PCDH9: variants seen among roughly 807,000 people sequenced by gnomAD.
PCDH9 encodes protocadherin 9, also known as protocadherin-9.
A neutral mutation model predicts 70.6 loss-of-function variants in PCDH9; 24 were observed. The ratio of observed to expected loss-of-function variants is 0.34; its 90% CI spans 0.25 to 0.48. The LOEUF (loss-of-function observed/expected upper bound fraction) is 0.48. Among genes scored for constraint, PCDH9 ranks in the 20% least tolerant of loss-of-function variants. The pLI, the probability that PCDH9 is intolerant of heterozygous loss-of-function variation, is 0.99. For missense variants in PCDH9, 1,281 were observed against 1,503.6 expected, an observed-to-expected ratio of 0.85 and a Z score of 2.45; for synonymous variants, 562 against 558.5, an observed-to-expected ratio of 1.01 and a Z score of -0.09.
chr13:67,010,882 A>T lies in PCDH9; in HGVS notation c.3037-107277T>A, dbSNP rs546848019. On this transcript the variant is annotated intron_variant, in intron 2 of 4. Coordinates refer to ENST00000377865, the MANE Select transcript of PCDH9 (RefSeq NM_203487.3). ...ACTTCCATTTTTCTGAAGTAGAAAGATTAGATATTTAGTTCTATTTTTCTG... is the reference window on the plus strand; with the variant it reads ...ACTTCCATTTTTCTGAAGTAGAAAGTTTAGATATTTAGTTCTATTTTTCTG... 3.0e-3 allele frequency among the ~76,000 whole-genome samples: 460 copies of T among 152,112 alleles called. 2 individuals carry two copies. The highest frequency in any genetic ancestry group is 0.01 in the African/African-American group (419 of 41,556).
chr13:67,097,899 C>A (rs912746735), intron 2 of PCDH9, among the ~76,000 whole-genome samples: 10 of 152,114 alleles, frequency 6.6e-5, no homozygotes, highest in African/African-American at 2.4e-4. Context: ...TAATGCCAAA[C>A]AACATCCTCA....
At chr13:66,916,585 T>C (rs2082561386) in intron 2 of PCDH9, among the ~76,000 whole-genome samples, 1 of 151,594 alleles carries the variant, frequency 6.6e-6, no homozygotes, top group Admixed American at 6.6e-5. Context: ...AAAATGTATG[T>C]GAATACAATA....
At position 66,353,042 on chromosome 13, in the gene PCDH9, C is replaced by A. The variant is rs61957576; in HGVS notation, c.3341-48014G>T. Reference sequence around the variant, plus strand: ...CAGGGAGGGTAATCCTCCATTTTTACACATTTAAAGAGCGAATCAATTAAA... The same window carrying A: ...CAGGGAGGGTAATCCTCCATTTTTAAACATTTAAAGAGCGAATCAATTAAA... On this transcript the variant is annotated intron_variant, in intron 4 of 4. Coordinates refer to ENST00000377865, the MANE Select transcript of PCDH9 (RefSeq NM_203487.3). Among the ~76,000 whole-genome samples the A allele has an allele frequency of 5.8e-4, 88 of 152,294 alleles. No homozygotes were observed. In the South Asian group the frequency reaches 9.5e-3, roughly 16 times the overall value.
intron 2 of PCDH9, among the ~76,000 whole-genome samples, chr13:67,171,649 G>T (rs552653191): frequency 6.6e-6 from 1 of 152,078 alleles, no homozygotes; most frequent in African/African-American, 2.4e-5. Flanking sequence ...GGTGCAGTGC[G>T]TATAAACTAC....
At chr13:66,430,447 T>A (rs1477514797) in intron 4 of PCDH9, among the ~76,000 whole-genome samples, 1 of 152,062 alleles carries the variant, frequency 6.6e-6, no homozygotes, top group African/African-American at 2.4e-5. Context: ...CTCTGAGTAG[T>A]CTGTAAGGGA....
intron 4 of PCDH9, among the ~76,000 whole-genome samples, chr13:66,520,033 C>A (rs139672763): frequency 2.6e-5 from 4 of 152,072 alleles, no homozygotes; most frequent in African/African-American, 4.8e-5. Flanking sequence ...AAAAAGTGAG[C>A]GGGCCTTGTC....
At chr13:66,700,880 T>G (rs1969461303) in intron 3 of PCDH9, among the ~76,000 whole-genome samples, 1 of 145,228 alleles carries the variant, frequency 6.9e-6, no homozygotes, top group East Asian at 2.0e-4. Flanking sequence ...TCTTTCTGAA[T>G]GTCTATGTTA....
At chr13:66,436,931 A>T (rs1156441763) in intron 4 of PCDH9, among the ~76,000 whole-genome samples, 3 of 152,066 alleles carry the variant, frequency 2.0e-5, no homozygotes, top group Non-Finnish European at 4.4e-5. Flanking sequence ...AAAAAAAGTT[A>T]TAATAAAACA....
At chr13:66,733,756 T>C (rs549984770) in intron 3 of PCDH9, among the ~76,000 whole-genome samples, 1 of 152,204 alleles carries the variant, frequency 6.6e-6, no homozygotes, top group East Asian at 1.9e-4. Flanking sequence ...ATATTGACTA[T>C]TAAAGACTGT....
chr13:66,619,161 T>G (rs1164961088), intron 4 of PCDH9, among the ~76,000 whole-genome samples: 3 of 152,184 alleles, frequency 2.0e-5, no homozygotes, highest in South Asian at 2.1e-4. Flanking sequence ...TAGAAGATTA[T>G]CCTGTGGTAC....
intron 2 of PCDH9, chr13:67,220,392 AT>A (rs1453966605): frequency 2.0e-5 from 3 of 151,986 alleles, no homozygotes; most frequent in South Asian, 2.1e-4. Flanking sequence ...ATAGTTAATT[AT>A]GAGAAAATTT....
At chr13:66,947,341 G>A (rs1385017059) in intron 2 of PCDH9, among the ~76,000 whole-genome samples, 1 of 152,074 alleles carries the variant, frequency 6.6e-6, no homozygotes, top group Non-Finnish European at 1.5e-5. Context: ...CCAAATGTCA[G>A]ATACAGTAAG....
At chr13:67,049,632 G>A (rs149448) in intron 2 of PCDH9, among the ~76,000 whole-genome samples, 135,758 of 152,204 alleles carry the variant, frequency 0.89, 60,632 homozygotes, top group East Asian at 0.98. Context: ...ACAAGGCACC[G>A]AGCACTTACT....
intron 4 of PCDH9, among the ~76,000 whole-genome samples, chr13:66,457,376 A>G (rs918998015): frequency 2.0e-5 from 3 of 152,124 alleles, no homozygotes; most frequent in Non-Finnish European, 4.4e-5. Context: ...TTGATGAACC[A>G]AATAATTCAC....
chr13:66,337,505 G>A (rs1282234918), intron 4 of PCDH9, among the ~76,000 whole-genome samples: 1 of 152,008 alleles, frequency 6.6e-6, no homozygotes, highest in East Asian at 1.9e-4. Context: ...TTAATCCCAA[G>A]ACTTGCACTA....
intron 4 of PCDH9, among the ~76,000 whole-genome samples, chr13:66,347,407 A>G (rs1956228643): frequency 6.6e-6 from 1 of 152,168 alleles, no homozygotes; most frequent in Non-Finnish European, 1.5e-5. Flanking sequence ...GCTATGGTGG[A>G]GACTGCAAAT....
chr13:66,481,668 G>A (rs758789118), intron 4 of PCDH9, among the ~76,000 whole-genome samples: 26 of 152,092 alleles, frequency 1.7e-4, no homozygotes, highest in Middle Eastern at 3.2e-3. Context: ...ACTATGTACT[G>A]TCATTTAAAA....
intron 2 of PCDH9, among the ~76,000 whole-genome samples, chr13:66,968,669 G>A (rs576359930): frequency 6.6e-6 from 1 of 152,024 alleles, no homozygotes; most frequent in South Asian, 2.1e-4. Flanking sequence ...AATATGATAA[G>A]CATAACCTAT....
chr13:66,612,983 A>G (rs1164092006), intron 4 of PCDH9, among the ~76,000 whole-genome samples: 1 of 152,172 alleles, frequency 6.6e-6, no homozygotes, highest in Non-Finnish European at 1.5e-5. Context: ...TGGGGGCTCA[A>G]TAAGTGGTGA....
Sources: gnomAD v4.1 joint callset for allele counts (sites outside exome capture counted in the v4.1 genomes callset) on GRCh38, gnomAD v4.1.1 for gene constraint, MANE v1.5 for transcripts, NCBI Gene and HGNC (gene_info 2026-07-23, HGNC 2026-07-21) for gene names.